CHM: variants seen among roughly 807,000 people sequenced by gnomAD.
The protein encoded by CHM is CHM Rab escort protein.
Under a neutral mutation model 49.0 loss-of-function variants are expected in CHM, and 10 were observed. The observed-to-expected ratio is 0.20, with a 90% confidence interval of 0.13 to 0.35. CHM has a LOEUF of 0.35. CHM is among the 10% of genes least tolerant of loss of function. The probability of loss-of-function intolerance (pLI) is 1.00; values close to 1 mark genes in which losing one functional copy is unlikely to be tolerated. For missense variants in CHM, 455 were observed against 478.4 expected, an observed-to-expected ratio of 0.95 and a Z score of 0.46; for synonymous variants, 184 against 167.5, an observed-to-expected ratio of 1.10 and a Z score of -0.76.
intron 1 of CHM, among the ~76,000 whole-genome samples, chrX:86,042,722 C>G (rs1162863603): frequency 9.1e-6 from 1 of 110,227 alleles, no homozygotes; most frequent in Non-Finnish European, 1.9e-5. Context: ...ACTCAGGAGT[C>G]TGAGGTGGGA....
At chrX:85,890,453 T>C (rs1569400427) in intron 12 of CHM, among the ~76,000 whole-genome samples, 1 of 111,922 alleles carries the variant, frequency 8.9e-6, no homozygotes, top group Admixed American at 9.4e-5. Context: ...TCCCATGTGT[T>C]GTGGGAAGGA....
chrX:85,906,855 C>T (rs751330931), intron 9 of CHM, among the ~76,000 whole-genome samples: 1 of 112,160 alleles, frequency 8.9e-6, no homozygotes, highest in African/African-American at 3.2e-5. Flanking sequence ...CATAGACAGC[C>T]GGACGTGGTG....
At chrX:85,926,935 C>T (rs1309901746) in intron 8 of CHM, among the ~76,000 whole-genome samples, 3 of 111,702 alleles carry the variant, frequency 2.7e-5, no homozygotes, top group Non-Finnish European at 3.8e-5. Flanking sequence ...CAGTTATTTG[C>T]CATTTAATAC....
At chrX:85,964,334 C>A (rs1930465064) in intron 4 of CHM, among the ~76,000 whole-genome samples, 1 of 110,377 alleles carries the variant, frequency 9.1e-6, no homozygotes, top group African/African-American at 3.3e-5. Context: ...TGGTTCAAAC[C>A]CTGACCATAT....
chrX:85,970,317 T>C, intron 4 of CHM: 4 of 751,128 alleles, frequency 5.3e-6, no homozygotes, highest in Non-Finnish European at 4.7e-6. Context: ...TTAGGCACTT[T>C]AATTTCTCAT....
intron 8 of CHM, among the ~76,000 whole-genome samples, chrX:85,938,566 TG>T: frequency 9.9e-6 from 1 of 101,069 alleles, no homozygotes; most frequent in Non-Finnish European, 2.0e-5. Context: ...TTTTTGGTGG[TG>T]GGGTTGCAGG....
At chrX:85,956,602 A>G (rs1307417204) in intron 7 of CHM, among the ~76,000 whole-genome samples, 1 of 111,353 alleles carries the variant, frequency 9.0e-6, no homozygotes, top group African/African-American at 3.3e-5. Flanking sequence ...ATTATGATTG[A>G]GCATTTCATG....
intron 2 of CHM, among the ~76,000 whole-genome samples, chrX:85,984,195 T>C (rs1931787263): frequency 9.1e-6 from 1 of 109,501 alleles, no homozygotes; most frequent in Non-Finnish European, 1.9e-5. Context: ...AGAGCAAAAC[T>C]CTGTCTCAAA....
intron 1 of CHM, among the ~76,000 whole-genome samples, chrX:86,034,679 C>T: frequency 9.0e-6 from 1 of 111,339 alleles, no homozygotes; most frequent in Non-Finnish European, 1.9e-5. Context: ...ACTCGGGAGG[C>T]TGAGGCAGGA....
At chrX:85,907,395 T>C (rs1448989429) in intron 9 of CHM, among the ~76,000 whole-genome samples, 2 of 111,809 alleles carry the variant, frequency 1.8e-5, no homozygotes, top group Non-Finnish European at 3.8e-5. Flanking sequence ...CCAGATCTAA[T>C]TTACCGGAGT....
rs377151177 is a variant in CHM at position 85,880,670 on chromosome X, AACAG to A, written c.1511-1611_1511-1608del. On this transcript the variant is annotated intron_variant, in intron 12 of 14. Transcript: ENST00000357749. ...ATATCATTATATTTCTTAGCAACAT[AACAG>A]ACAGTTCAGGTTATGCTAGGAAAAA... 5.0e-3 allele frequency among the ~76,000 whole-genome samples: 554 copies of A among 111,697 alleles called. 3 individuals carry two copies. Among genetic ancestry groups the A allele is most frequent in the African/African-American group, 0.017 (529 of 30,855 alleles).
At chrX:85,865,113 T>C (rs1207956897) in intron 14 of CHM, among the ~76,000 whole-genome samples, 2 of 111,534 alleles carry the variant, frequency 1.8e-5, no homozygotes, top group African/African-American at 6.5e-5. Context: ...TCATTCTATA[T>C]ATCAATAGAA....
chrX:85,900,686 A>G lies in CHM; in HGVS notation c.1373T>C (p.Ile458Thr). ...TGTTTTTAGGACAGATCTATCTGTA[A>G]TCAGCACTGCCCTGGAGATCTGCCT... ...QYRQISRAVL[I>T]TDRSVLKTDS... Residue 458 changes from isoleucine (I) to threonine (T), a missense_variant, in exon 11 of 15, where the codon ATT becomes ACT. Transcript: ENST00000357749. 1 of 1,189,402 alleles carries G rather than the reference A, an allele frequency of 8.4e-7. No homozygotes were observed. The highest frequency in any genetic ancestry group is 1.1e-6 in the Non-Finnish European group (1 of 876,509).
At chrX:86,047,368 G>A in intron 1 of CHM, 116 bp downstream of exon 1, 2 of 673,147 alleles carry the variant, frequency 3.0e-6, no homozygotes, top group Non-Finnish European at 4.7e-6. Context: ...CTTCCTTTCA[G>A]TTCTCCCTCC....
At chrX:85,976,650 G>C (rs976229001) in intron 4 of CHM, among the ~76,000 whole-genome samples, 1 of 110,026 alleles carries the variant, frequency 9.1e-6, no homozygotes, top group African/African-American at 3.3e-5. Flanking sequence ...TAGCATGTTA[G>C]AGCCCAGAGA....
intron 2 of CHM, among the ~76,000 whole-genome samples, chrX:86,004,065 C>T (rs1932801399): frequency 1.8e-5 from 2 of 112,199 alleles, no homozygotes; most frequent in African/African-American, 3.2e-5. Flanking sequence ...GCGGATCTCT[C>T]GGCACAAACC....
At chrX:85,979,252 T>C (rs1931459507) in intron 3 of CHM, among the ~76,000 whole-genome samples, 1 of 111,796 alleles carries the variant, frequency 8.9e-6, no homozygotes, top group Non-Finnish European at 1.9e-5. Context: ...ACATTACTTA[T>C]TAATAAAAAC....
intron 2 of CHM, among the ~76,000 whole-genome samples, chrX:86,008,010 A>C (rs1302094710): frequency 8.9e-6 from 1 of 112,134 alleles, no homozygotes; most frequent in East Asian, 2.8e-4. Flanking sequence ...ACCCACCCAA[A>C]TGTCCAACAA....
chrX:85,865,259 T>A (rs1923618122), intron 14 of CHM, among the ~76,000 whole-genome samples: 1 of 111,747 alleles, frequency 8.9e-6, no homozygotes. Context: ...GGGGCGGCTG[T>A]TCCCATGTTG....
Sources: allele counts gnomAD v4.1 joint callset (sites outside exome capture counted in the v4.1 genomes callset), GRCh38; gene constraint gnomAD v4.1.1; transcripts MANE v1.5; gene names NCBI Gene and HGNC (gene_info 2026-07-23, HGNC 2026-07-21).